Variants in FMNL2 observed in about 807,000 individuals in gnomAD.
FMNL2 encodes formin-like protein 2.
In FMNL2, 51 loss-of-function variants were observed where a neutral mutation model predicts 130.2. That is an observed-to-expected ratio of 0.39 (90% CI 0.31 to 0.49). The LOEUF (loss-of-function observed/expected upper bound fraction) is 0.49, where lower values mean the gene tolerates loss of function less well. Among genes scored for constraint, FMNL2 ranks in the 20% least tolerant of loss-of-function variants. The pLI is 0.85. For synonymous variants in FMNL2, 465 were observed against 467.1 expected, an observed-to-expected ratio of 1.00 and a Z score of 0.06; for missense variants, 977 against 1,316.2, an observed-to-expected ratio of 0.74 and a Z score of 3.99.
At chr2:152,419,152 T>G (rs932808779) in intron 1 of FMNL2, among the ~76,000 whole-genome samples, 1 of 99,928 alleles carries the variant, frequency 1.0e-5, no homozygotes, top group African/African-American at 3.9e-5. Flanking sequence ...TTCAAAGGAC[T>G]TTTTTTGTTT....
At chr2:152,390,572 G>T in intron 1 of FMNL2, 1 of 1,409,516 alleles carries the variant, frequency 7.1e-7, no homozygotes, top group Admixed American at 1.7e-5. Context: ...AGAAACAGGA[G>T]ATTCTGAAGA....
At chr2:152,644,223 A>T (rs1683344301) in intron 25 of FMNL2, among the ~76,000 whole-genome samples, 1 of 152,262 alleles carries the variant, frequency 6.6e-6, no homozygotes, top group Non-Finnish European at 1.5e-5. Context: ...CCTGTCTCAA[A>T]AAAACAAAAA....
intron 23 of FMNL2, 66 bp from the exon 24 acceptor site, chr2:152,639,892 T>A (rs542438341): frequency 1.1e-5 from 15 of 1,410,278 alleles, no homozygotes; most frequent in Admixed American, 2.6e-5. Flanking sequence ...GAAGAATGAC[T>A]TTAAAAAATC....
At chr2:152,427,773 A>T (rs537728617) in intron 1 of FMNL2, among the ~76,000 whole-genome samples, 103 of 152,296 alleles carry the variant, frequency 6.8e-4, no homozygotes, top group African/African-American at 2.4e-3. Flanking sequence ...GAAGCTTCTT[A>T]TAAATCCTTC....
At chr2:152,349,471 A>C (rs767419141) in intron 1 of FMNL2, among the ~76,000 whole-genome samples, 1 of 152,150 alleles carries the variant, frequency 6.6e-6, no homozygotes, top group East Asian at 1.9e-4. Context: ...GCTTCTTTCT[A>C]CTGCACTACA....
At chr2:152,544,085 G>A (rs1164440840) in intron 3 of FMNL2, among the ~76,000 whole-genome samples, 2 of 152,082 alleles carry the variant, frequency 1.3e-5, no homozygotes, top group African/African-American at 2.4e-5. Context: ...TAAGAATGTG[G>A]CAGTCTTAAT....
chr2:152,424,322 A>G (rs148480366), intron 1 of FMNL2, among the ~76,000 whole-genome samples: 27 of 151,862 alleles, frequency 1.8e-4, no homozygotes, highest in African/African-American at 6.3e-4. Flanking sequence ...TTGACTCTTC[A>G]TACTTAATGT....
chr2:152,361,785 A>G (rs924174370), intron 1 of FMNL2, among the ~76,000 whole-genome samples: 1 of 152,180 alleles, frequency 6.6e-6, no homozygotes, highest in Non-Finnish European at 1.5e-5. Context: ...GAGCATTGAT[A>G]TGGGATAAAT....
At chr2:152,520,003 G>A (rs1215096465) in intron 1 of FMNL2, among the ~76,000 whole-genome samples, 4 of 152,156 alleles carry the variant, frequency 2.6e-5, no homozygotes, top group African/African-American at 4.8e-5. Flanking sequence ...ATGATGGACT[G>A]ACCATTTACC....
chr2:152,389,243 G>A (rs1033562918), intron 1 of FMNL2, among the ~76,000 whole-genome samples: 1 of 152,182 alleles, frequency 6.6e-6, no homozygotes, highest in African/African-American at 2.4e-5. Context: ...AGACTGAGAA[G>A]TCCAAGATCA....
chr2:152,534,226 C>T (rs907929626), intron 2 of FMNL2, among the ~76,000 whole-genome samples: 1 of 152,162 alleles, frequency 6.6e-6, no homozygotes. Context: ...TCAGACCCTT[C>T]GCACCACTTA....
intron 1 of FMNL2, among the ~76,000 whole-genome samples, chr2:152,499,226 A>G (rs931504219): frequency 6.6e-6 from 1 of 152,244 alleles, no homozygotes; most frequent in African/African-American, 2.4e-5. Context: ...TTTTAAGCTC[A>G]TCCAACTTCA....
At chr2:152,426,528 A>T (rs1359502472) in intron 1 of FMNL2, among the ~76,000 whole-genome samples, 1 of 152,242 alleles carries the variant, frequency 6.6e-6, no homozygotes, top group Non-Finnish European at 1.5e-5. Context: ...GTCACGTCAC[A>T]AGATGAATAC....
intron 23 of FMNL2, 104 bp downstream of exon 23, chr2:152,637,778 A>G: frequency 1.0e-6 from 1 of 993,600 alleles, no homozygotes; most frequent in Non-Finnish European, 1.6e-6. Flanking sequence ...TCCTGTGGAC[A>G]GCAGATCTGG....
At chr2:152,508,773 C>T (rs1692323255) in intron 1 of FMNL2, among the ~76,000 whole-genome samples, 1 of 152,158 alleles carries the variant, frequency 6.6e-6, no homozygotes, top group African/African-American at 2.4e-5. Flanking sequence ...TCCCCCAGGC[C>T]TACTGTTGTG....
At chr2:152,479,908 G>GT (rs1690398619) in intron 1 of FMNL2, among the ~76,000 whole-genome samples, 1 of 151,896 alleles carries the variant, frequency 6.6e-6, no homozygotes, top group Non-Finnish European at 1.5e-5. Context: ...TAGAGATGGG[G>GT]TTTTTTGGCC....
chr2:152,604,109 CTA>C (rs1369939606), intron 9 of FMNL2, among the ~76,000 whole-genome samples: 5 of 151,050 alleles, frequency 3.3e-5, no homozygotes, highest in African/African-American at 9.6e-5. Flanking sequence ...GGTATAATGA[CTA>C]TGTCTTTTAG....
intron 1 of FMNL2, among the ~76,000 whole-genome samples, chr2:152,436,079 C>T (rs1332094003): frequency 6.6e-6 from 1 of 151,902 alleles, no homozygotes; most frequent in Non-Finnish European, 1.5e-5. Flanking sequence ...ACTGAAGATA[C>T]CTCAAATGCA....
At chr2:152,390,063 TC>T in intron 1 of FMNL2, 2 of 1,577,510 alleles carry the variant, frequency 1.3e-6, no homozygotes, top group South Asian at 1.1e-5. Flanking sequence ...CAGCCTTGAC[TC>T]CCCAGGAAAG....
Sources: gnomAD v4.1 joint callset for allele counts (sites outside exome capture counted in the v4.1 genomes callset) on GRCh38, gnomAD v4.1.1 for gene constraint, MANE v1.5 for transcripts, NCBI Gene and HGNC (gene_info 2026-07-23, HGNC 2026-07-21) for gene names.